VAT1L: variants seen among roughly 807,000 people sequenced by gnomAD.
VAT1L encodes the protein putative NADPH-dependent quinone oxidoreductase VAT1L.
Under a neutral mutation model 44.1 loss-of-function variants are expected in VAT1L, and 34 were observed. The ratio of observed to expected loss-of-function variants is 0.77; its 90% CI spans 0.59 to 1.03. VAT1L has a LOEUF of 1.03. Ranked by LOEUF, VAT1L falls within the 50% of genes least tolerant of loss-of-function variation. The pLI is 0.00. For missense variants in VAT1L, 615 were observed against 538.8 expected, an observed-to-expected ratio of 1.14 and a Z score of -1.40; for synonymous variants, 253 against 202.2, an observed-to-expected ratio of 1.25 and a Z score of -2.13.
At chr16:77,906,192 A>G (rs2017434970) in intron 7 of VAT1L, among the ~76,000 whole-genome samples, 1 of 152,216 alleles carries the variant, frequency 6.6e-6, no homozygotes. Flanking sequence ...TGAGGACAGC[A>G]AAGCCCCTTT....
At chr16:77,933,638 G>A (rs1489433564) in intron 7 of VAT1L, among the ~76,000 whole-genome samples, 1 of 152,238 alleles carries the variant, frequency 6.6e-6, no homozygotes, top group Non-Finnish European at 1.5e-5. Context: ...GGCAAAGCCT[G>A]AAGAGGTGAT....
intron 7 of VAT1L, among the ~76,000 whole-genome samples, chr16:77,913,089 G>A (rs1029933985): frequency 2.0e-5 from 3 of 152,156 alleles, no homozygotes; most frequent in African/African-American, 7.2e-5. Context: ...GTCTATAGCA[G>A]CTTTTGCTGT....
At chr16:77,927,562 C>T (rs2017684038) in intron 7 of VAT1L, among the ~76,000 whole-genome samples, 2 of 151,926 alleles carry the variant, frequency 1.3e-5, no homozygotes, top group Admixed American at 1.3e-4. Flanking sequence ...GGCCGCCTGT[C>T]CTGATTTGCA....
At chr16:77,797,274 G>C (rs2015954776) in intron 1 of VAT1L, among the ~76,000 whole-genome samples, 1 of 152,028 alleles carries the variant, frequency 6.6e-6, no homozygotes, top group African/African-American at 2.4e-5. Flanking sequence ...ACCACACCCG[G>C]CTAATTTTTG....
At chr16:77,820,796 CATAA>C (rs2016439732) in intron 2 of VAT1L, among the ~76,000 whole-genome samples, 1 of 152,202 alleles carries the variant, frequency 6.6e-6, no homozygotes, top group Admixed American at 6.5e-5. Context: ...TATAAGGTCA[CATAA>C]ATAAAGGCAC....
intron 7 of VAT1L, among the ~76,000 whole-genome samples, chr16:77,933,168 C>T (rs992657336): frequency 6.6e-6 from 1 of 152,206 alleles, no homozygotes; most frequent in Non-Finnish European, 1.5e-5. Flanking sequence ...TCAACTATCA[C>T]TCCTTGAAGT....
At chr16:77,802,412 C>T (rs1468959577) in intron 1 of VAT1L, among the ~76,000 whole-genome samples, 3 of 152,094 alleles carry the variant, frequency 2.0e-5, no homozygotes, top group East Asian at 1.9e-4. Context: ...GTCAGGAGTT[C>T]AAGACCAGCC....
chr16:77,902,739 G>GGGT (rs1555518310), intron 7 of VAT1L, among the ~76,000 whole-genome samples: 25 of 133,560 alleles, frequency 1.9e-4, no homozygotes, highest in African/African-American at 6.9e-4. Context: ...GGGTGGGGGG[G>GGGT]GTGTGGATCA....
intron 3 of VAT1L, 98 bp from the exon 4 acceptor site, chr16:77,862,646 AAGTC>A: frequency 8.3e-6 from 9 of 1,084,330 alleles, no homozygotes; most frequent in Non-Finnish European, 1.0e-5. Context: ...AAAAAAAAAA[AAGTC>A]AATAGTGCCG....
intron 7 of VAT1L, among the ~76,000 whole-genome samples, chr16:77,950,041 G>T (rs536859872): frequency 6.6e-6 from 1 of 152,304 alleles, no homozygotes; most frequent in South Asian, 2.1e-4. Context: ...AAAGTGAGCT[G>T]GTGGTTGCCT....
rs577580697 is a variant in VAT1L at position 77,950,512 on chromosome 16, G to A, written c.1078-21338G>A. Among the ~76,000 whole-genome samples the A allele has an allele frequency of 2.0e-5, 3 of 150,832 alleles. No homozygotes were observed. The South Asian group carries it at 6.3e-4, about 31-fold the overall frequency. On this transcript the variant is annotated intron_variant, in intron 7 of 8. Coordinates refer to ENST00000302536, the MANE Select transcript of VAT1L (RefSeq NM_020927.3). Reference sequence around the variant, plus strand: ...AACCCTATTACTCAGATATAGCCAAGGTTGTGAGGTTGATACAACCTATAA... The same window carrying A: ...AACCCTATTACTCAGATATAGCCAAAGTTGTGAGGTTGATACAACCTATAA...
intron 4 of VAT1L, among the ~76,000 whole-genome samples, chr16:77,869,153 G>T (rs1051706067): frequency 1.3e-5 from 2 of 152,120 alleles, no homozygotes; most frequent in African/African-American, 2.4e-5. Flanking sequence ...GGAAGGGAGA[G>T]GCAGTGCCTA....
intron 7 of VAT1L, among the ~76,000 whole-genome samples, chr16:77,939,484 T>G (rs2017850644): frequency 6.6e-6 from 1 of 152,188 alleles, no homozygotes; most frequent in Non-Finnish European, 1.5e-5. Context: ...TAGAGATCTG[T>G]TGTTACATAT....
intron 3 of VAT1L, 83 bp downstream of exon 3, chr16:77,825,544 C>CTA (rs1415201995): frequency 7.0e-7 from 1 of 1,437,330 alleles, no homozygotes; most frequent in Non-Finnish European, 9.5e-7. Context: ...CTTATGTGAG[C>CTA]TATGTCCTTT....
rs2016824334 is a variant in VAT1L at position 77,853,217 on chromosome 16, G to A, written c.580-9531G>A. On this transcript the variant is annotated intron_variant, in intron 3 of 8. Transcript: ENST00000302536. ...GCCTCAGAGCCTGCTAATGGGGATG[G>A]GGGCTTATTTTCTCTTCCTACTTCT... Among the ~76,000 whole-genome samples, 3 of 152,152 alleles carry A rather than the reference G, an allele frequency of 2.0e-5. No individual in the cohort carries two copies. In the South Asian group the frequency reaches 6.2e-4, roughly 32 times the overall value.
At chr16:77,795,280 G>T (rs374431880) in intron 1 of VAT1L, among the ~76,000 whole-genome samples, 4 of 98,910 alleles carry the variant, frequency 4.0e-5, no homozygotes, top group Admixed American at 2.1e-4. Context: ...TTTACAGTGG[G>T]GGCGGGGGGA....
chr16:77,885,635 TG>T (rs1457658003), intron 7 of VAT1L, among the ~76,000 whole-genome samples: 1 of 151,718 alleles, frequency 6.6e-6, no homozygotes, highest in African/African-American at 2.4e-5. Context: ...TATGTGGGAA[TG>T]TTTTTTTTTT....
intron 1 of VAT1L, among the ~76,000 whole-genome samples, chr16:77,805,434 G>T (rs1220293433): frequency 6.6e-6 from 1 of 152,132 alleles, no homozygotes; most frequent in Non-Finnish European, 1.5e-5. Flanking sequence ...TCAGTTCTGG[G>T]GCAATGAGAA....
chr16:77,918,420 G>C (rs974304611), intron 7 of VAT1L, among the ~76,000 whole-genome samples: 4 of 152,156 alleles, frequency 2.6e-5, no homozygotes, highest in Admixed American at 2.6e-4. Flanking sequence ...CTTGAATCTA[G>C]TCCTTTCTCT....
Sources: allele counts gnomAD v4.1 joint callset (sites outside exome capture counted in the v4.1 genomes callset), GRCh38; gene constraint gnomAD v4.1.1; transcripts MANE v1.5; gene names NCBI Gene and HGNC (gene_info 2026-07-23, HGNC 2026-07-21).